CNOT8: variants seen among roughly 807,000 people sequenced by gnomAD.
CNOT8 encodes CAF1-like protein.
In CNOT8, 18 loss-of-function variants were observed where a neutral mutation model predicts 34.6. The ratio of observed to expected loss-of-function variants is 0.52; its 90% confidence interval spans 0.36 to 0.77. CNOT8 has a LOEUF of 0.77. Among genes scored for constraint, CNOT8 ranks in the 30% least tolerant of loss-of-function variants. CNOT8 has a pLI of 0.00. For synonymous variants in CNOT8, 101 were observed against 118.8 expected, an observed-to-expected ratio of 0.85 and a Z score of 0.98; for missense variants, 189 against 347.9, an observed-to-expected ratio of 0.54 and a Z score of 3.63.
Position 154,863,222 on chromosome 5 carries a change from G to T in CNOT8, c.-57G>T. Reference sequence around the variant, plus strand: ...TACAATCTAGATCAGACCAAACATTGTCTGGCTTGCACTGTAAAACTAGTT... The same window carrying T: ...TACAATCTAGATCAGACCAAACATTTTCTGGCTTGCACTGTAAAACTAGTT... On this transcript the variant is annotated 5_prime_UTR_variant, in exon 2 of 7. Coordinates refer to ENST00000285896, the MANE Select transcript of CNOT8 (RefSeq NM_001301073.2). 1 of 1,185,208 alleles carries T rather than the reference G, an allele frequency of 8.4e-7. No homozygotes were observed. Among genetic ancestry groups the T allele is most frequent in the Admixed American group, 1.7e-5 (1 of 59,160 alleles). 73.4% of individuals were successfully genotyped at this position (1,185,208 alleles called of 1,614,324 possible).
Position 154,865,272 on chromosome 5 carries a change from G to A in CNOT8, c.198G>A (p.Arg66=), listed in dbSNP as rs768773408. Residue 66 remains arginine (R), a synonymous_variant, in exon 3 of 7, where the codon CGG becomes CGA. Coordinates refer to ENST00000285896, the MANE Select transcript of CNOT8 (RefSeq NM_001301073.2). ...SSIDYQYQLL[R]CNVDLLKIIQ... ...TAGATTACCAATATCAGCTTCTGCG[G>A]TGCAATGTTGACCTTTTAAAAATTA... 5.0e-6 allele frequency: 8 copies of A among 1,613,268 alleles called. No individual in the cohort carries two copies. In the East Asian group the frequency reaches 1.6e-4, roughly 31 times the overall value.
chr5:154,863,681 A>C (rs188458788), intron 2 of CNOT8, among the ~76,000 whole-genome samples: 1 of 152,318 alleles, frequency 6.6e-6, no homozygotes, highest in East Asian at 1.9e-4. Flanking sequence ...AAGCCATTGT[A>C]AATTAAACCG....
intron 3 of CNOT8, 115 bp downstream of exon 3, chr5:154,865,500 G>A (rs1484201762): frequency 1.6e-6 from 1 of 627,834 alleles, no homozygotes; most frequent in East Asian, 3.1e-5. Flanking sequence ...AGCAAGTGAA[G>A]TCCTGCTTAA....
rs544035243 is a variant in CNOT8, at chr5:154,876,711, A to G, written c.*1272A>G. On this transcript the variant is annotated 3_prime_UTR_variant, in exon 7 of 7. Transcript: ENST00000285896. The stretch of plus-strand genomic sequence containing the variant: ...AAATGATTAGAAAATGTCAAGTATT[A>G]TAAGCTGGTATTTAAGATGCTTGTA... 17 of 152,810 alleles carry G rather than the reference A, an allele frequency of 1.1e-4. No homozygotes were observed. Among genetic ancestry groups the G allele is most frequent in the African/African-American group, 4.1e-4 (17 of 41,594 alleles). 9.5% of individuals were successfully genotyped at this position (152,810 alleles called of 1,614,324 possible).
intron 3 of CNOT8, among the ~76,000 whole-genome samples, chr5:154,870,203 C>G (rs768910823): frequency 6.6e-6 from 1 of 151,842 alleles, no homozygotes; most frequent in Non-Finnish European, 1.5e-5. Context: ...ACCACCATGC[C>G]TGGCTAATCT....
At chr5:154,860,516 C>T (rs1761230971) in intron 1 of CNOT8, among the ~76,000 whole-genome samples, 1 of 152,126 alleles carries the variant, frequency 6.6e-6, no homozygotes, top group South Asian at 2.1e-4. Context: ...CTTTGTTGCC[C>T]AGGCTGGTCT....
intron 2 of CNOT8, among the ~76,000 whole-genome samples, chr5:154,864,316 C>T (rs550005849): frequency 1.3e-5 from 2 of 152,122 alleles, no homozygotes; most frequent in African/African-American, 2.4e-5. Flanking sequence ...AAAAATTAGC[C>T]GGGCATGGTG....
chr5:154,861,355 TTTAA>T (rs1401654289), intron 1 of CNOT8, among the ~76,000 whole-genome samples: 1 of 152,192 alleles, frequency 6.6e-6, no homozygotes, highest in Non-Finnish European at 1.5e-5. Context: ...TCTACTTAAG[TTTAA>T]TTACTGTAAT....
intron 3 of CNOT8, among the ~76,000 whole-genome samples, chr5:154,866,353 G>T (rs558103124): frequency 6.6e-6 from 1 of 152,256 alleles, no homozygotes; most frequent in South Asian, 2.1e-4. Flanking sequence ...TGATCAGCCC[G>T]CTTTGGCCTC....
chr5:154,869,319 A>G (rs1762228528), intron 3 of CNOT8, among the ~76,000 whole-genome samples: 1 of 149,612 alleles, frequency 6.7e-6, no homozygotes, highest in African/African-American at 2.5e-5. Context: ...GGGTTTCTCC[A>G]TGTTGGTCAG....
chr5:154,870,792 G>T lies in CNOT8; in HGVS notation c.443G>T (p.Cys148Phe), dbSNP rs1213241149. ...ELLMTSGVVL[C>F]DNVKWLSFHS... is the part of the protein sequence containing the mutation. Reference sequence around the variant, plus strand: ...CTTATGACATCAGGAGTGGTTCTCTGTGACAATGTCAAATGGCTTTCATTT... The same window carrying T: ...CTTATGACATCAGGAGTGGTTCTCTTTGACAATGTCAAATGGCTTTCATTT... Residue 148 changes from cysteine to phenylalanine, a missense_variant, in exon 4 of 7, where the codon TGT (cysteine) becomes TTT (phenylalanine). Cys to Phe is a radical substitution (Grantham distance 205, BLOSUM62 -2). This residue lies in a region of CNOT8 where 160 missense variants were observed against 321.9 expected (regional missense o/e 0.50). Transcript: ENST00000285896. The T allele has an allele frequency of 2.5e-6, 4 of 1,613,966 alleles. No homozygotes were observed. In the South Asian group the frequency reaches 4.4e-5, roughly 18 times the overall value.
chr5:154,863,316 G>A lies in CNOT8; in HGVS notation c.38G>A (p.Cys13Tyr). Residue 13 changes from cysteine to tyrosine, a missense_variant, in exon 2 of 7, where the codon TGT becomes TAT. This residue lies in a region of CNOT8 where 160 missense variants were observed against 321.9 expected (regional missense o/e 0.50). Coordinates refer to ENST00000285896, the MANE Select transcript of CNOT8 (RefSeq NM_001301073.2). ...CTTGTGGAGAATAGCCAGGTTATCT[G>A]TGAAGTGTGGGCCAGTAATCTAGAA... is the stretch of plus-strand genomic sequence containing the variant. ...AALVENSQVI[C>Y]EVWASNLEEE... 1 of 1,614,178 alleles carries A rather than the reference G, an allele frequency of 6.2e-7. No homozygotes were observed. The highest frequency in any genetic ancestry group is 8.5e-7 in the Non-Finnish European group (1 of 1,180,006).
intron 5 of CNOT8, 62 bp from the exon 6 acceptor site, chr5:154,872,479 G>C: frequency 1.9e-6 from 2 of 1,031,342 alleles, no homozygotes; most frequent in South Asian, 1.5e-5. Flanking sequence ...ACTGCACTTA[G>C]TTGGCTCCAG....
At position 154,871,057 on chromosome 5, in the gene CNOT8, C is replaced by G. The variant is rs149065970; in HGVS notation, c.473+235C>G. Among the ~76,000 whole-genome samples, 430 of 152,186 alleles carry G rather than the reference C, an allele frequency of 2.8e-3. 1 individual carries two copies. Among genetic ancestry groups the G allele is most frequent in the Middle Eastern group, 0.02 (6 of 294 alleles). ...ATGTGGCTATCAGTGGGTTTAATTCCAAGTGGGAATATGGTGGGTGTAGAG... is the reference window on the plus strand; with the variant it reads ...ATGTGGCTATCAGTGGGTTTAATTCGAAGTGGGAATATGGTGGGTGTAGAG... On this transcript the variant is annotated intron_variant, in intron 4 of 6. Coordinates refer to ENST00000285896, the MANE Select transcript of CNOT8 (RefSeq NM_001301073.2).
intron 1 of CNOT8, among the ~76,000 whole-genome samples, chr5:154,861,495 C>G (rs186724005): frequency 6.6e-6 from 1 of 152,268 alleles, no homozygotes; most frequent in East Asian, 1.9e-4. Flanking sequence ...TTGTTTTGCT[C>G]CAGATTCTCA....
In CNOT8 at chr5:154,863,847, A is replaced by G. The variant is rs371835552; in HGVS notation, c.117+452A>G. On this transcript the variant is annotated intron_variant, in intron 2 of 6. Transcript: ENST00000285896. ...CCCCTAGGGCCCAGCTGTTCCACAG[A>G]TATGTTGGATTTGACTATACGATGT... Among the ~76,000 whole-genome samples the G allele has an allele frequency of 1.4e-3, 210 of 152,192 alleles. 1 individual carries two copies. Among genetic ancestry groups the G allele is most frequent in the African/African-American group, 4.9e-3 (202 of 41,526 alleles).
In CNOT8 at chr5:154,863,365, A is replaced by T; in HGVS notation, c.87A>T (p.Glu29Asp). 1 of 1,613,766 alleles carries T rather than the reference A, an allele frequency of 6.2e-7. No homozygotes were observed. The highest frequency in any genetic ancestry group is 8.5e-7 in the Non-Finnish European group (1 of 1,179,662). ...NLEEEMRKIREIVLSYSYIAM... is the reference protein window; with the variant it reads ...NLEEEMRKIRDIVLSYSYIAM... ...AAGAAGAGATGAGGAAGATCCGAGAAATCGTGCTCAGTTACAGTTATATTG... is the reference window on the plus strand; with the variant it reads ...AAGAAGAGATGAGGAAGATCCGAGATATCGTGCTCAGTTACAGTTATATTG... Residue 29 changes from glutamate to aspartate, a missense_variant, in exon 2 of 7, where the codon GAA (glutamate) becomes GAT (aspartate). Glu to Asp is a conservative substitution (Grantham distance 45, BLOSUM62 2). Around this residue, in one of 2 missense-constraint regions of CNOT8, gnomAD observed 160 missense variants for 321.9 expected, o/e 0.50. Transcript: ENST00000285896.
chr5:154,872,682 C>T (rs911909717), intron 6 of CNOT8, 31 bp downstream of exon 6: 3 of 1,412,106 alleles, frequency 2.1e-6, no homozygotes, highest in African/African-American at 2.8e-5. Flanking sequence ...TCACAGGCCT[C>T]TCGGCAGTAA....
rs751583736 is a variant in CNOT8 at position 154,872,614 on chromosome 5, C to T, written c.692C>T (p.Ser231Leu). The T allele has an allele frequency of 6.2e-7, 1 of 1,613,424 alleles. No individual in the cohort carries two copies. The highest frequency in any genetic ancestry group is 8.5e-7 in the Non-Finnish European group (1 of 1,179,616). The change falls in exon 6 of 7, where the codon TCA becomes TTA. Residue 231 changes from serine to leucine, a missense_variant. By Grantham distance (145) the Ser-to-Leu change is moderately radical. Coordinates refer to ENST00000285896, the MANE Select transcript of CNOT8 (RefSeq NM_001301073.2). ...AGGCAGCACCAGGCAGGCTCAGACT[C>T]ACTGCTGACAGGAATGGCTTTCTTT... ...IGRQHQAGSD[S>L]LLTGMAFFRM...
Sources: gnomAD v4.1 joint callset for allele counts (sites outside exome capture counted in the v4.1 genomes callset) on GRCh38, gnomAD v4.1.1 for gene constraint, gnomAD v4.1.1 regional missense constraint, MANE v1.5 for transcripts, NCBI Gene and HGNC (gene_info 2026-07-23, HGNC 2026-07-21) for gene names.